Variants in PTBP2 observed in about 807,000 individuals in gnomAD.
The protein encoded by PTBP2 is polypyrimidine tract binding protein 2, also known as polypyrimidine tract-binding protein 2.
PTBP2 carries 13 observed loss-of-function variants against 61.4 expected under a neutral mutation model. The observed-to-expected ratio is 0.21, with a 90% CI of 0.14 to 0.34. PTBP2 has a LOEUF of 0.34. Ranked by LOEUF, PTBP2 falls within the 10% of genes least tolerant of loss-of-function variation. The pLI is 1.00. For synonymous variants in PTBP2, 215 were observed against 218.5 expected, an observed-to-expected ratio of 0.98 and a Z score of 0.14; for missense variants, 405 against 642.6, an observed-to-expected ratio of 0.63 and a Z score of 4.00.
At chr1:96,760,693 C>T (rs1297125525) in intron 3 of PTBP2, among the ~76,000 whole-genome samples, 13 of 152,060 alleles carry the variant, frequency 8.5e-5, no homozygotes, top group Non-Finnish European at 1.6e-4. Context: ...GATCTGCCCA[C>T]GTCGGCCTCC....
At chr1:96,738,760 A>G (rs1652578841) in intron 2 of PTBP2, among the ~76,000 whole-genome samples, 1 of 152,224 alleles carries the variant, frequency 6.6e-6, no homozygotes. Context: ...AAATACCAAA[A>G]TACCACTTTA....
In PTBP2 at chr1:96,761,346, A is replaced by ATTGTGTGTGTG. The variant is rs375632927; in HGVS notation, c.116-8356_116-8355insTGTGTGTGTGT. Among the ~76,000 whole-genome samples, 76 of 140,574 alleles carry ATTGTGTGTGTG rather than the reference A, an allele frequency of 5.4e-4. 1 individual carries two copies. Among genetic ancestry groups the ATTGTGTGTGTG allele is most frequent in the Admixed American group, 2.5e-3 (35 of 14,064 alleles). The allele number at this position is 140,574 out of a possible 152,430, so 92.2% of individuals were successfully genotyped here. ...AGCAGGGGCCTAGATGTGGGATTTG[A>ATTGTGTGTGTG]TGTGTGTGTGTGTGTGTGTGTGTGT... On this transcript the variant is annotated intron_variant, in intron 3 of 13. Transcript: ENST00000674951.
intron 9 of PTBP2, among the ~76,000 whole-genome samples, chr1:96,806,019 C>T (rs1195855035): frequency 1.3e-5 from 2 of 152,172 alleles, no homozygotes; most frequent in Non-Finnish European, 2.9e-5. Flanking sequence ...TCCTGCATTT[C>T]CTATGTACTG....
intron 3 of PTBP2, among the ~76,000 whole-genome samples, chr1:96,764,258 A>G (rs1192244242): frequency 6.6e-6 from 1 of 152,220 alleles, no homozygotes; most frequent in African/African-American, 2.4e-5. Context: ...TGTTTAATAA[A>G]TTGATACAGT....
At chr1:96,731,269 C>T (rs1470557390) in intron 2 of PTBP2, among the ~76,000 whole-genome samples, 1 of 152,126 alleles carries the variant, frequency 6.6e-6, no homozygotes, top group Non-Finnish European at 1.5e-5. Flanking sequence ...AATGCCAGAA[C>T]ACTCATTTGT....
intron 9 of PTBP2, among the ~76,000 whole-genome samples, chr1:96,806,060 A>C (rs1199529531): frequency 6.6e-6 from 1 of 151,750 alleles, no homozygotes; most frequent in Non-Finnish European, 1.5e-5. Context: ...TTGTTCCCCA[A>C]TTCCTTATTT....
chr1:96,786,047 C>T (rs996881214), intron 8 of PTBP2, among the ~76,000 whole-genome samples: 1 of 152,026 alleles, frequency 6.6e-6, no homozygotes. Flanking sequence ...GTAAGATTAT[C>T]TTTAAGTCAT....
intron 7 of PTBP2, among the ~76,000 whole-genome samples, chr1:96,784,454 T>C (rs1342074830): frequency 1.3e-5 from 2 of 152,146 alleles, no homozygotes; most frequent in African/African-American, 2.4e-5. Context: ...TTCAGAACTT[T>C]TCGGGAATGA....
chr1:96,730,102 A>G (rs934123766), intron 2 of PTBP2, among the ~76,000 whole-genome samples: 38 of 152,096 alleles, frequency 2.5e-4, no homozygotes, highest in African/African-American at 8.9e-4. Context: ...CAGTAGGGAT[A>G]ATTTGTGTCA....
chr1:96,746,901 CCCTCCCTCCCTCCCTTCCTTCCTTCCTT>C (rs1653899002), intron 2 of PTBP2, among the ~76,000 whole-genome samples: 1 of 53,550 alleles, frequency 1.9e-5, no homozygotes, highest in Non-Finnish European at 3.4e-5. Context: ...CTCCCTCCCT[CCCTCCCTCCCTCCCTTCCTTCCTTCCTT>C]CCTTCCTTCC....
At chr1:96,769,360 G>A (rs1657125703) in intron 3 of PTBP2, among the ~76,000 whole-genome samples, 1 of 151,968 alleles carries the variant, frequency 6.6e-6, no homozygotes, top group African/African-American at 2.4e-5. Flanking sequence ...TGACCAAAAT[G>A]TAGTTATGTG....
intron 11 of PTBP2, among the ~76,000 whole-genome samples, chr1:96,809,520 T>G (rs1394233025): frequency 6.6e-6 from 1 of 152,106 alleles, no homozygotes; most frequent in Non-Finnish European, 1.5e-5. Flanking sequence ...TTTGTTTGTT[T>G]GTTTGTTTTT....
intron 7 of PTBP2, among the ~76,000 whole-genome samples, chr1:96,780,152 A>G (rs1016047159): frequency 1.1e-4 from 16 of 152,040 alleles, no homozygotes; most frequent in African/African-American, 3.6e-4. Context: ...ATGTTTAGTT[A>G]TCTAAGACCA....
rs1570662643 is a variant in PTBP2, at chr1:96,721,806, G to T, written c.-59G>T. 3.9e-6 allele frequency: 6 copies of T among 1,551,644 alleles called. No individual in the cohort carries two copies. The South Asian group carries it at 7.1e-5, about 18-fold the overall frequency. ...CCCAGCCGCCATTTTCTCGCCGCTT[G>T]TGTGGCTCGCTGGCTGCGTGGCTCG... On this transcript the variant is annotated 5_prime_UTR_variant, in exon 1 of 14. Transcript: ENST00000674951.
Position 96,806,966 on chromosome 1 carries a change from T to A in PTBP2, c.1171+8T>A. 3 of 1,580,994 alleles carry A rather than the reference T, an allele frequency of 1.9e-6. No individual in the cohort carries two copies. The highest frequency in any genetic ancestry group is 2.6e-6 in the Non-Finnish European group (3 of 1,156,228). On this transcript the variant is annotated splice_region_variant and intron_variant, in intron 11 of 13. Coordinates refer to ENST00000674951, the MANE Select transcript of PTBP2 (RefSeq NM_021190.4). ...GAAACCAATCACAACTTGGTAAGATTAAACTATGTTTTATCTATACATCTT... is the reference window on the plus strand; with the variant it reads ...GAAACCAATCACAACTTGGTAAGATAAAACTATGTTTTATCTATACATCTT...
chr1:96,727,038 T>G (rs1416407036), intron 2 of PTBP2, among the ~76,000 whole-genome samples: 1 of 152,252 alleles, frequency 6.6e-6, no homozygotes, highest in Non-Finnish European at 1.5e-5. Context: ...CAGTATCATC[T>G]TGCGCCTTTA....
At chr1:96,732,077 A>G (rs1039589757) in intron 2 of PTBP2, among the ~76,000 whole-genome samples, 1 of 152,192 alleles carries the variant, frequency 6.6e-6, no homozygotes, top group Non-Finnish European at 1.5e-5. Context: ...ACTAATAAAT[A>G]ACCTGTTTCT....
At chr1:96,790,168 C>G (rs979454732) in intron 8 of PTBP2, among the ~76,000 whole-genome samples, 3 of 152,064 alleles carry the variant, frequency 2.0e-5, no homozygotes, top group African/African-American at 7.2e-5. Context: ...TTAGACTAGT[C>G]TGGCTGTTTC....
chr1:96,788,868 A>C (rs1659483845), intron 8 of PTBP2, among the ~76,000 whole-genome samples: 2 of 152,052 alleles, frequency 1.3e-5, no homozygotes, highest in African/African-American at 4.8e-5. Flanking sequence ...ACAGTGTCTC[A>C]GAAAATGTAA....
Sources: allele counts gnomAD v4.1 joint callset (sites outside exome capture counted in the v4.1 genomes callset), GRCh38; gene constraint gnomAD v4.1.1; transcripts MANE v1.5; gene names NCBI Gene and HGNC (gene_info 2026-07-23, HGNC 2026-07-21).